Variants in ZFYVE28 observed in about 807,000 individuals in gnomAD.
The protein encoded by ZFYVE28 is zinc finger FYVE-type containing 28, also known as lateral signaling target protein 2 homolog.
In ZFYVE28, 40 loss-of-function variants were observed where a neutral mutation model predicts 82.1. The observed-to-expected ratio is 0.49, with a 90% CI of 0.38 to 0.63. ZFYVE28 has a LOEUF of 0.63. ZFYVE28 is among the 30% of genes least tolerant of loss of function. The pLI, the probability that ZFYVE28 is intolerant of heterozygous loss-of-function variation, is 0.00. For synonymous variants in ZFYVE28, 612 were observed against 546.1 expected, an observed-to-expected ratio of 1.12 and a Z score of -1.68; for missense variants, 1,321 against 1,242.1, an observed-to-expected ratio of 1.06 and a Z score of -0.96.
chr4:2,395,450 G>C (rs962912512), intron 1 of ZFYVE28, among the ~76,000 whole-genome samples: 1 of 152,122 alleles, frequency 6.6e-6, no homozygotes, highest in African/African-American at 2.4e-5. Context: ...GGATCCCAAC[G>C]CTCTCCCCAC....
In ZFYVE28 at chr4:2,399,376, C is replaced by T. The variant is rs1381695256; in HGVS notation, c.39+18909G>A. ...AAGGTGAAATCTCTGCCCCTCTTTG[C>T]GGAGCTGGGCTGGCCCGTGACTTGC... On this transcript the variant is annotated intron_variant, in intron 1 of 12. Transcript: ENST00000290974. Among the ~76,000 whole-genome samples, 14 of 152,288 alleles carry T rather than the reference C, an allele frequency of 9.2e-5. No individual in the cohort carries two copies. The East Asian group carries it at 2.3e-3, about 25-fold the overall frequency.
chr4:2,288,674 T>C (rs1170026101), intron 8 of ZFYVE28, among the ~76,000 whole-genome samples: 3 of 152,254 alleles, frequency 2.0e-5, no homozygotes, highest in African/African-American at 7.2e-5. Context: ...TTAGTTTACT[T>C]GTCTGTAAAA....
At chr4:2,285,017 C>T (rs1560137045) in intron 8 of ZFYVE28, among the ~76,000 whole-genome samples, 1 of 152,220 alleles carries the variant, frequency 6.6e-6, no homozygotes, top group Non-Finnish European at 1.5e-5. Context: ...AGGGTCATTG[C>T]AGGTGTAACT....
intron 1 of ZFYVE28, among the ~76,000 whole-genome samples, chr4:2,387,341 G>A (rs558279432): frequency 1.2e-4 from 19 of 152,224 alleles, no homozygotes; most frequent in Non-Finnish European, 1.8e-4. Context: ...CGGAAGTGAC[G>A]CAACTCTGCT....
intron 1 of ZFYVE28, among the ~76,000 whole-genome samples, chr4:2,375,836 T>C (rs1209572971): frequency 6.6e-6 from 1 of 152,202 alleles, no homozygotes; most frequent in East Asian, 1.9e-4. Context: ...TCTCATAGTT[T>C]TCATATTGAT....
intron 8 of ZFYVE28, among the ~76,000 whole-genome samples, chr4:2,283,334 CCCAT>C (rs1205028720): frequency 2.1e-5 from 3 of 142,710 alleles, no homozygotes; most frequent in Non-Finnish European, 4.5e-5. Flanking sequence ...TACCCACCCA[CCCAT>C]CCATTTATCC....
chr4:2,277,649 T>C lies in ZFYVE28; in HGVS notation c.2052-3433A>G, dbSNP rs145986912. 7.0e-3 allele frequency among the ~76,000 whole-genome samples: 1,066 copies of C among 152,166 alleles called. 14 individuals are homozygous for C. Among genetic ancestry groups the C allele is most frequent in the African/African-American group, 0.024 (1,004 of 41,508 alleles). On this transcript the variant is annotated intron_variant, in intron 8 of 12. Transcript: ENST00000290974. Reference sequence around the variant, plus strand: ...TTTAACAAAAGAAGTACAAGAATCATACACTGAAAACAACAAAACATTGTT... The same window carrying C: ...TTTAACAAAAGAAGTACAAGAATCACACACTGAAAACAACAAAACATTGTT...
chr4:2,282,465 A>G (rs1712091717), intron 8 of ZFYVE28, among the ~76,000 whole-genome samples: 1 of 152,210 alleles, frequency 6.6e-6, no homozygotes, highest in East Asian at 1.9e-4. Flanking sequence ...TGGGGTGGGA[A>G]AAGTGGTGAG....
At chr4:2,393,965 G>A (rs1049230184) in intron 1 of ZFYVE28, among the ~76,000 whole-genome samples, 2 of 152,224 alleles carry the variant, frequency 1.3e-5, no homozygotes, top group African/African-American at 2.4e-5. Flanking sequence ...AGAAGCAGGT[G>A]TCAGCAGGAC....
chr4:2,304,057 C>A (rs984182838), intron 8 of ZFYVE28, among the ~76,000 whole-genome samples: 1 of 152,238 alleles, frequency 6.6e-6, no homozygotes, highest in African/African-American at 2.4e-5. Flanking sequence ...GGGAAGCGGG[C>A]CCGCTGGCGC....
chr4:2,319,652 C>A (rs1407803076), intron 7 of ZFYVE28, among the ~76,000 whole-genome samples: 3 of 152,226 alleles, frequency 2.0e-5, no homozygotes, highest in Non-Finnish European at 2.9e-5. Flanking sequence ...CGGCTCAGGC[C>A]ACCCAGCAAA....
intron 2 of ZFYVE28, among the ~76,000 whole-genome samples, chr4:2,352,999 C>T (rs955996023): frequency 1.3e-5 from 2 of 152,214 alleles, no homozygotes; most frequent in Admixed American, 1.3e-4. Flanking sequence ...AACCTGAGCT[C>T]CTGGGGGCAG....
At position 2,304,295 on chromosome 4, in the gene ZFYVE28, C is replaced by A; in HGVS notation, c.2045G>T (p.Gly682Val). The change falls in exon 8 of 13, where the codon GGC becomes GTC. Residue 682 changes from glycine to valine, a missense_variant. Around this residue, in one of 2 missense-constraint regions of ZFYVE28, gnomAD observed 978 missense variants for 833.7 expected, o/e 1.17. Coordinates refer to ENST00000290974, the MANE Select transcript of ZFYVE28 (RefSeq NM_020972.3). ...SAHEAPQALSGSSSSTAGSCS... is the reference protein window; with the variant it reads ...SAHEAPQALSVSSSSTAGSCS... ...GGGCCAGACTGGCTCTTACCTGGAG[C>A]CCGACAGGGCCTGAGGCGCCTCGTG... The A allele has an allele frequency of 6.4e-7, 1 of 1,570,492 alleles. No individual in the cohort carries two copies. Among genetic ancestry groups the A allele is most frequent in the South Asian group, 1.1e-5 (1 of 87,154 alleles).
At chr4:2,370,001 T>A (rs3135135) in intron 1 of ZFYVE28, among the ~76,000 whole-genome samples, 2 of 150,532 alleles carry the variant, frequency 1.3e-5, no homozygotes, top group Non-Finnish European at 3.0e-5. Flanking sequence ...CAGGAGTGCA[T>A]CACCAAGCTC....
At chr4:2,277,536 A>G (rs1736585557) in intron 8 of ZFYVE28, among the ~76,000 whole-genome samples, 1 of 152,162 alleles carries the variant, frequency 6.6e-6, no homozygotes, top group South Asian at 2.1e-4. Flanking sequence ...GTGTTTAGAT[A>G]TGGTAGCAAT....
chr4:2,395,174 A>G (rs1730298687), intron 1 of ZFYVE28, among the ~76,000 whole-genome samples: 1 of 151,782 alleles, frequency 6.6e-6, no homozygotes, highest in Admixed American at 6.6e-5. Flanking sequence ...GTCGTACCCT[A>G]CTGGGGCCTC....
intron 2 of ZFYVE28, among the ~76,000 whole-genome samples, chr4:2,347,694 G>A (rs932690119): frequency 2.7e-5 from 4 of 148,044 alleles, no homozygotes; most frequent in Admixed American, 2.0e-4. Context: ...AAATCAAAGA[G>A]GAAATCAAAA....
At chr4:2,297,578 C>G (rs1714791241) in intron 8 of ZFYVE28, among the ~76,000 whole-genome samples, 1 of 152,244 alleles carries the variant, frequency 6.6e-6, no homozygotes. Flanking sequence ...AGATGTGAAT[C>G]CAGGAAACAA....
intron 2 of ZFYVE28, among the ~76,000 whole-genome samples, chr4:2,342,407 T>A (rs1722960139): frequency 6.6e-6 from 1 of 152,140 alleles, no homozygotes; most frequent in African/African-American, 2.4e-5. Context: ...TTTTGTTTAT[T>A]TTTAGAGGCA....
Sources: gnomAD v4.1 joint callset for allele counts (sites outside exome capture counted in the v4.1 genomes callset) on GRCh38, gnomAD v4.1.1 for gene constraint, gnomAD v4.1.1 regional missense constraint, MANE v1.5 for transcripts, NCBI Gene and HGNC (gene_info 2026-07-23, HGNC 2026-07-21) for gene names.